SPAG16: variants seen among roughly 807,000 people sequenced by gnomAD.
SPAG16 encodes sperm associated antigen 16.
Under a neutral mutation model 80.4 loss-of-function variants are expected in SPAG16, and 86 were observed. That is an observed-to-expected ratio of 1.07 (90% confidence interval 0.90 to 1.28). The LOEUF is 1.28. Ranked by LOEUF, SPAG16 falls within the 50% of genes most tolerant of loss-of-function variation. SPAG16 has a pLI of 0.00. For synonymous variants in SPAG16, 294 were observed against 265.9 expected (o/e 1.11, Z -1.03); for missense variants, 870 against 765.3 (o/e 1.14, Z -1.61).
chr2:214,279,191 G>A (rs1044752436), intron 15 of SPAG16, among the ~76,000 whole-genome samples: 1 of 151,662 alleles, frequency 6.6e-6, no homozygotes, highest in Admixed American at 6.6e-5. Context: ...CCGCCTGCCG[G>A]GTACAAACGA....
At chr2:214,162,893 C>T (rs1346978598) in intron 15 of SPAG16, among the ~76,000 whole-genome samples, 1 of 152,032 alleles carries the variant, frequency 6.6e-6, no homozygotes, top group Non-Finnish European at 1.5e-5. Flanking sequence ...ATCTTCTATG[C>T]AAATATAGAC....
In SPAG16 at chr2:213,964,805, C is replaced by T. The variant is rs2888283; in HGVS notation, c.1400+34660C>T. 3.3e-5 allele frequency among the ~76,000 whole-genome samples: 5 copies of T among 152,224 alleles called. No homozygotes were observed. The South Asian group carries it at 1.0e-3, about 32-fold the overall frequency. ...ATTTTCACTCTAATTATTGTACTTT[C>T]AACCCTGGACTTTTCATTAATTCTT... On this transcript the variant is annotated intron_variant, in intron 12 of 15. Coordinates refer to ENST00000331683, the MANE Select transcript of SPAG16 (RefSeq NM_024532.5).
At chr2:213,648,498 T>C (rs772345125) in intron 10 of SPAG16, among the ~76,000 whole-genome samples, 1 of 152,190 alleles carries the variant, frequency 6.6e-6, no homozygotes, top group African/African-American at 2.4e-5. Flanking sequence ...CACTGACTTT[T>C]ATACAAATTC....
intron 10 of SPAG16, among the ~76,000 whole-genome samples, chr2:213,844,520 TATTC>T (rs1487237518): frequency 2.6e-5 from 4 of 152,214 alleles, no homozygotes; most frequent in South Asian, 2.1e-4. Context: ...TTTCACATAA[TATTC>T]ATAATATTCA....
chr2:213,304,795 G>A (rs1011743475), intron 3 of SPAG16, among the ~76,000 whole-genome samples: 1 of 152,118 alleles, frequency 6.6e-6, no homozygotes, highest in South Asian at 2.1e-4. Flanking sequence ...ATAATTTGAT[G>A]TCACATAATG....
At chr2:213,399,075 A>T (rs2068189700) in intron 9 of SPAG16, among the ~76,000 whole-genome samples, 1 of 152,082 alleles carries the variant, frequency 6.6e-6, no homozygotes, top group South Asian at 2.1e-4. Flanking sequence ...TGTGAAAAAT[A>T]ATAGTTGTGA....
intron 5 of SPAG16, among the ~76,000 whole-genome samples, chr2:213,321,417 A>G (rs977053721): frequency 6.6e-4 from 100 of 152,172 alleles, no homozygotes; most frequent in Non-Finnish European, 3.8e-4. Flanking sequence ...ATTAATTTCT[A>G]TGGAATAATG....
intron 10 of SPAG16, among the ~76,000 whole-genome samples, chr2:213,634,864 G>T (rs1411100898): frequency 6.6e-6 from 1 of 151,692 alleles, no homozygotes; most frequent in African/African-American, 2.4e-5. Context: ...TTGGTTTTCC[G>T]CTCCTGAGTA....
At chr2:214,355,710 A>AG (rs1698740459) in intron 15 of SPAG16, among the ~76,000 whole-genome samples, 1 of 152,012 alleles carries the variant, frequency 6.6e-6, no homozygotes, top group African/African-American at 2.4e-5. Context: ...GCTGCTATAA[A>AG]GGCACATGCA....
chr2:213,427,986 C>T (rs2070045482), intron 9 of SPAG16, among the ~76,000 whole-genome samples: 1 of 152,144 alleles, frequency 6.6e-6, no homozygotes, highest in Admixed American at 6.5e-5. Flanking sequence ...GCCCTGGTCT[C>T]TTATGTAGTT....
At chr2:213,650,751 A>G (rs2062990339) in intron 10 of SPAG16, among the ~76,000 whole-genome samples, 1 of 152,220 alleles carries the variant, frequency 6.6e-6, no homozygotes, top group South Asian at 2.1e-4. Flanking sequence ...TCTACAGACA[A>G]GGGAAAGCTA....
At chr2:213,896,596 A>G (rs1252265984) in intron 11 of SPAG16, among the ~76,000 whole-genome samples, 10 of 145,326 alleles carry the variant, frequency 6.9e-5, no homozygotes, top group African/African-American at 2.5e-5. Context: ...ACACACGCAC[A>G]CACACACACA....
At chr2:213,737,215 CTT>C (rs1574987965) in intron 10 of SPAG16, among the ~76,000 whole-genome samples, 1 of 151,324 alleles carries the variant, frequency 6.6e-6, no homozygotes, top group Non-Finnish European at 1.5e-5. Flanking sequence ...TACAACAAAA[CTT>C]AACGAATATC....
At chr2:214,233,998 C>A (rs1688892736) in intron 15 of SPAG16, among the ~76,000 whole-genome samples, 1 of 152,036 alleles carries the variant, frequency 6.6e-6, no homozygotes, top group Non-Finnish European at 1.5e-5. Flanking sequence ...TTAAGCCCAG[C>A]ATCCATTAAC....
At chr2:213,725,522 G>T (rs1559412882) in intron 10 of SPAG16, among the ~76,000 whole-genome samples, 1 of 152,098 alleles carries the variant, frequency 6.6e-6, no homozygotes, top group African/African-American at 2.4e-5. Flanking sequence ...TCCAACAAAG[G>T]ACTTCCCCAT....
At chr2:214,207,659 A>G (rs2058179995) in intron 15 of SPAG16, among the ~76,000 whole-genome samples, 1 of 152,138 alleles carries the variant, frequency 6.6e-6, no homozygotes, top group South Asian at 2.1e-4. Flanking sequence ...TAGCTGGTAA[A>G]GTATTGTTTC....
chr2:213,573,427 T>G (rs993129732), intron 10 of SPAG16, among the ~76,000 whole-genome samples: 5 of 152,214 alleles, frequency 3.3e-5, no homozygotes, highest in South Asian at 2.1e-4. Context: ...AAATAAAACT[T>G]TCACCAAAAT....
chr2:213,817,985 T>C (rs1363800404), intron 10 of SPAG16, among the ~76,000 whole-genome samples: 1 of 152,164 alleles, frequency 6.6e-6, no homozygotes, highest in East Asian at 1.9e-4. Flanking sequence ...GTTGAAATTA[T>C]TAAAAAGTAA....
intron 9 of SPAG16, among the ~76,000 whole-genome samples, chr2:213,416,552 TC>T (rs201849975): frequency 6.5e-4 from 99 of 152,042 alleles, no homozygotes; most frequent in Non-Finnish European, 8.8e-4. Flanking sequence ...ACTTGTTTTT[TC>T]TTTTTTTGTT....
Sources: gnomAD v4.1 joint callset for allele counts (sites outside exome capture counted in the v4.1 genomes callset) on GRCh38, gnomAD v4.1.1 for gene constraint, MANE v1.5 for transcripts, NCBI Gene and HGNC (gene_info 2026-07-23, HGNC 2026-07-21) for gene names.